The following C2orf76 variants were observed in gnomAD, a reference collection of about 807,000 sequenced individuals.
C2orf76 encodes the protein chromosome 2 open reading frame 76, also known as UPF0538 protein C2orf76.
In C2orf76, 23 loss-of-function variants were observed where a neutral mutation model predicts 16.9. That is an observed-to-expected ratio of 1.36 (90% CI 0.98 to 1.93). The LOEUF (loss-of-function observed/expected upper bound fraction) is 1.93. C2orf76 is among the 30% of genes most tolerant of loss of function. C2orf76 has a pLI of 0.00. For synonymous variants in C2orf76, 48 were observed against 52.3 expected, an observed-to-expected ratio of 0.92 and a Z score of 0.35; for missense variants, 152 against 152.6, an observed-to-expected ratio of 1.00 and a Z score of 0.02.
intron 1 of C2orf76, among the ~76,000 whole-genome samples, chr2:119,363,973 G>T (rs1680835605): frequency 1.3e-5 from 2 of 152,044 alleles, no homozygotes. Context: ...AGCCATGATT[G>T]TGCCACTGCA....
At chr2:119,295,623 C>A in the C2orf76 span, among the ~76,000 whole-genome samples, 1 of 152,058 alleles carries the variant, frequency 6.6e-6, no homozygotes, top group Non-Finnish European at 1.5e-5. Context: ...CACAAGAATG[C>A]CATTATGGAC....
At chr2:119,281,487 T>A in the C2orf76 span, among the ~76,000 whole-genome samples, 3 of 150,750 alleles carry the variant, frequency 2.0e-5, no homozygotes, top group Non-Finnish European at 4.4e-5. Flanking sequence ...CAGCCTGGGG[T>A]GACAGAGTGA....
At chr2:119,339,090 GA>G (rs1679942383) in intron 2 of C2orf76, 1 of 152,180 alleles carries the variant, frequency 6.6e-6, no homozygotes, top group African/African-American at 2.4e-5. Context: ...ACTTGTCTAT[GA>G]GTTTGAAATC....
chr2:119,330,378 C>T (rs1226735164), intron 2 of C2orf76, among the ~76,000 whole-genome samples: 4 of 151,672 alleles, frequency 2.6e-5, no homozygotes, highest in Non-Finnish European at 5.9e-5. Context: ...AATGTTAATC[C>T]AGTATCTTCT....
chr2:119,302,603 A>G (rs1678649529), intron 5 of C2orf76, 55 bp from the exon 6 acceptor site: 1 of 1,096,680 alleles, frequency 9.1e-7, no homozygotes, highest in Non-Finnish European at 1.3e-6. Flanking sequence ...TAAATTTTAA[A>G]CAAGTATGGA....
intron 2 of C2orf76, among the ~76,000 whole-genome samples, chr2:119,328,865 T>C (rs564916177): frequency 1.3e-5 from 2 of 152,338 alleles, no homozygotes; most frequent in Non-Finnish European, 2.9e-5. Context: ...AAGTGTGTTA[T>C]TTGGTTTCCA....
At chr2:119,290,323 C>T in the C2orf76 span, among the ~76,000 whole-genome samples, 2 of 151,936 alleles carry the variant, frequency 1.3e-5, no homozygotes, top group African/African-American at 4.8e-5. Context: ...CCATAGAAAC[C>T]GGCTCACGAC....
At chr2:119,335,072 G>C (rs991361416) in intron 2 of C2orf76, among the ~76,000 whole-genome samples, 2 of 152,156 alleles carry the variant, frequency 1.3e-5, no homozygotes, top group Non-Finnish European at 2.9e-5. Flanking sequence ...ATGACCCACA[G>C]GGTAATGGAT....
At chr2:119,332,815 C>T (rs972390431) in intron 2 of C2orf76, among the ~76,000 whole-genome samples, 2 of 152,204 alleles carry the variant, frequency 1.3e-5, no homozygotes, top group Admixed American at 1.3e-4. Flanking sequence ...ACTGCAGCCT[C>T]GACCTCCCAG....
At position 119,362,390 on chromosome 2, in the gene C2orf76, G is replaced by A. The variant is rs560547994; in HGVS notation, c.-13+4400C>T. Among the ~76,000 whole-genome samples, 5 of 152,238 alleles carry A rather than the reference G, an allele frequency of 3.3e-5. No individual in the cohort carries two copies. The East Asian group carries it at 7.7e-4, about 23-fold the overall frequency. On this transcript the variant is annotated intron_variant, in intron 1 of 5. Transcript: ENST00000334816. Reference sequence around the variant, plus strand: ...CCCCTGTGTTGTTCAAGGGTCAGCTGTATTTCTAATTTTCTTGTTGACAGG... The same window carrying A: ...CCCCTGTGTTGTTCAAGGGTCAGCTATATTTCTAATTTTCTTGTTGACAGG...
the C2orf76 span, among the ~76,000 whole-genome samples, chr2:119,281,659 C>T: frequency 2.8e-4 from 42 of 151,926 alleles, 1 homozygote; most frequent in South Asian, 4.2e-4. Context: ...AATAGGAAAC[C>T]GTTATTACTG....
At chr2:119,284,518 G>C in the C2orf76 span, among the ~76,000 whole-genome samples, 5 of 151,968 alleles carry the variant, frequency 3.3e-5, no homozygotes, top group Non-Finnish European at 7.4e-5. Context: ...GTGGATCACC[G>C]GGCTTGCATA....
intron 1 of C2orf76, among the ~76,000 whole-genome samples, chr2:119,360,103 C>T (rs1680696070): frequency 6.6e-6 from 1 of 152,192 alleles, no homozygotes; most frequent in African/African-American, 2.4e-5. Flanking sequence ...TGAGGCAAGA[C>T]CCTCGACCAG....
intron 1 of C2orf76, among the ~76,000 whole-genome samples, chr2:119,363,518 A>C (rs1411245800): frequency 1.3e-5 from 2 of 152,038 alleles, no homozygotes; most frequent in Non-Finnish European, 2.9e-5. Context: ...GAAAGAAAAT[A>C]CAGAATGAAT....
At chr2:119,291,635 G>A in the C2orf76 span, among the ~76,000 whole-genome samples, 183 of 152,112 alleles carry the variant, frequency 1.2e-3, 2 homozygotes, top group African/African-American at 4.3e-3. Context: ...GAACACTGCT[G>A]GGTGGTGTGG....
At chr2:119,331,732 T>G (rs536551584) in intron 2 of C2orf76, among the ~76,000 whole-genome samples, 1 of 152,342 alleles carries the variant, frequency 6.6e-6, no homozygotes, top group Admixed American at 6.5e-5. Flanking sequence ...GGGAAATGAT[T>G]GTTTTATATA....
chr2:119,350,828 C>G (rs1323581643), intron 1 of C2orf76, among the ~76,000 whole-genome samples: 1 of 152,206 alleles, frequency 6.6e-6, no homozygotes, highest in African/African-American at 2.4e-5. Flanking sequence ...CAGGGCAGAG[C>G]TCTAAGCTGC....
intron 1 of C2orf76, among the ~76,000 whole-genome samples, chr2:119,345,255 G>T (rs931733821): frequency 1.3e-5 from 2 of 152,180 alleles, no homozygotes; most frequent in South Asian, 4.1e-4. Flanking sequence ...AATGTGAAAA[G>T]ATCAGCTTTA....
At chr2:119,317,256 C>T (rs532302751) in intron 4 of C2orf76, among the ~76,000 whole-genome samples, 1 of 152,034 alleles carries the variant, frequency 6.6e-6, no homozygotes, top group Non-Finnish European at 1.5e-5. Context: ...TTTTAATTAA[C>T]ACTTTTTTAA....
Sources: allele counts gnomAD v4.1 joint callset (sites outside exome capture counted in the v4.1 genomes callset), GRCh38; gene constraint gnomAD v4.1.1; transcripts MANE v1.5; gene names NCBI Gene and HGNC (gene_info 2026-07-23, HGNC 2026-07-21).